GALNT17: variants seen among roughly 807,000 people sequenced by gnomAD.
The protein encoded by GALNT17 is polypeptide N-acetylgalactosaminyltransferase 17, also known as UDP-GalNAc:polypeptide N-acetylgalactosaminyltransferase-like 3.
GALNT17 carries 29 observed loss-of-function variants against 63.7 expected under a neutral mutation model. The observed-to-expected ratio is 0.46, with a 90% CI of 0.34 to 0.62. The LOEUF (loss-of-function observed/expected upper bound fraction) is 0.62. Ranked by LOEUF, GALNT17 falls within the 20% of genes least tolerant of loss-of-function variation. GALNT17 has a pLI of 0.01. For synonymous variants in GALNT17, 305 were observed against 318.3 expected (o/e 0.96, Z 0.45); for missense variants, 603 against 799.6 (o/e 0.75, Z 2.97).
chr7:71,391,057 ACT>A (rs1793040478), intron 3 of GALNT17, among the ~76,000 whole-genome samples: 1 of 152,106 alleles, frequency 6.6e-6, no homozygotes, highest in African/African-American at 2.4e-5. Flanking sequence ...TGCACAGTGG[ACT>A]CTCTGAACTG....
intron 5 of GALNT17, among the ~76,000 whole-genome samples, chr7:71,537,453 G>C (rs180783093): frequency 6.6e-6 from 1 of 152,086 alleles, no homozygotes; most frequent in Non-Finnish European, 1.5e-5. Flanking sequence ...AGATCTGAAG[G>C]TCTTGAGATA....
At chr7:71,422,819 C>A (rs1052510412) in intron 5 of GALNT17, among the ~76,000 whole-genome samples, 1 of 152,206 alleles carries the variant, frequency 6.6e-6, no homozygotes, top group Non-Finnish European at 1.5e-5. Context: ...GTCAGAAAAA[C>A]CAGATCACAT....
intron 1 of GALNT17, among the ~76,000 whole-genome samples, chr7:71,225,827 C>T (rs1323575521): frequency 6.6e-6 from 1 of 152,186 alleles, no homozygotes; most frequent in Non-Finnish European, 1.5e-5. Flanking sequence ...CATGGCCTGC[C>T]ATGCTATGCA....
chr7:71,318,225 G>T (rs1233233889), intron 1 of GALNT17, among the ~76,000 whole-genome samples: 1 of 152,130 alleles, frequency 6.6e-6, no homozygotes, highest in Admixed American at 6.6e-5. Context: ...CAATCAGGCA[G>T]TGGGACCTCA....
chr7:71,256,972 C>G (rs554978352), intron 1 of GALNT17, among the ~76,000 whole-genome samples: 1 of 152,058 alleles, frequency 6.6e-6, no homozygotes, highest in South Asian at 2.1e-4. Context: ...TCTAAAAGGA[C>G]TCTCTCTCTC....
chr7:71,139,034 A>G (rs1472205394), intron 1 of GALNT17, among the ~76,000 whole-genome samples: 3 of 152,138 alleles, frequency 2.0e-5, no homozygotes, highest in African/African-American at 7.2e-5. Context: ...TTCTTGTTAG[A>G]ATTCTTCTTT....
chr7:71,529,354 C>G (rs564369736), intron 5 of GALNT17, among the ~76,000 whole-genome samples: 31 of 152,098 alleles, frequency 2.0e-4, no homozygotes, highest in African/African-American at 7.2e-4. Flanking sequence ...ATGGTAGCTT[C>G]CACACATAGT....
intron 1 of GALNT17, among the ~76,000 whole-genome samples, chr7:71,194,199 T>C (rs974508522): frequency 1.3e-5 from 2 of 152,048 alleles, no homozygotes; most frequent in African/African-American, 4.8e-5. Flanking sequence ...GTACACACCA[T>C]CATGCACCAC....
At chr7:71,188,375 AC>A (rs1686620958) in intron 1 of GALNT17, among the ~76,000 whole-genome samples, 1 of 152,256 alleles carries the variant, frequency 6.6e-6, no homozygotes, top group Non-Finnish European at 1.5e-5. Flanking sequence ...TTTCACTGTA[AC>A]CACGCCAGCA....
chr7:71,176,714 T>C (rs903621775), intron 1 of GALNT17, among the ~76,000 whole-genome samples: 1 of 152,146 alleles, frequency 6.6e-6, no homozygotes, highest in African/African-American at 2.4e-5. Context: ...GAGGCTGTTG[T>C]GTACTCTGAA....
rs111851668 is a variant in GALNT17, at chr7:71,397,941, T to TTTGTTGTTG, written c.589+9570_589+9578dup. Among the ~76,000 whole-genome samples the TTTGTTGTTG allele has an allele frequency of 2.4e-3, 357 of 150,806 alleles. 10 individuals are homozygous for TTTGTTGTTG. In the East Asian group the frequency reaches 0.032, roughly 14 times the overall value. ...TTGATGGTTTTGCTCCATTATTGTC[T>TTTGTTGTTG]TTGTTGTTGTTGTTGTTGTTGTTGT... On this transcript the variant is annotated intron_variant, in intron 3 of 10. Transcript: ENST00000333538.
chr7:71,174,914 G>A (rs1004462184), intron 1 of GALNT17, among the ~76,000 whole-genome samples: 5 of 152,138 alleles, frequency 3.3e-5, no homozygotes, highest in Non-Finnish European at 7.3e-5. Context: ...CTGTCTTTGG[G>A]GAGCGATGGA....
chr7:71,213,957 A>G (rs1364636474), intron 1 of GALNT17, among the ~76,000 whole-genome samples: 1 of 152,204 alleles, frequency 6.6e-6, no homozygotes, highest in African/African-American at 2.4e-5. Flanking sequence ...ACTTTTAACT[A>G]CTTACGTCAG....
At chr7:71,391,534 G>A (rs1297276409) in intron 3 of GALNT17, among the ~76,000 whole-genome samples, 1 of 152,188 alleles carries the variant, frequency 6.6e-6, no homozygotes, top group Non-Finnish European at 1.5e-5. Context: ...CCGGGCTGGA[G>A]TGCGGTGGTG....
chr7:71,461,526 T>A (rs940655794), intron 5 of GALNT17, among the ~76,000 whole-genome samples: 2 of 152,216 alleles, frequency 1.3e-5, no homozygotes, highest in African/African-American at 4.8e-5. Flanking sequence ...CAAAAGAACT[T>A]AGAGGAGCAT....
chr7:71,477,709 T>C (rs1787748194), intron 5 of GALNT17, among the ~76,000 whole-genome samples: 1 of 151,642 alleles, frequency 6.6e-6, no homozygotes, highest in South Asian at 2.1e-4. Context: ...AAAAAAAAGG[T>C]TGAAAATAAC....
At chr7:71,535,114 A>G (rs555507034) in intron 5 of GALNT17, among the ~76,000 whole-genome samples, 97 of 152,264 alleles carry the variant, frequency 6.4e-4, no homozygotes, top group African/African-American at 2.3e-3. Flanking sequence ...AGATGTGAGG[A>G]AGGGCCACGT....
At chr7:71,231,545 A>C (rs749009349) in intron 1 of GALNT17, among the ~76,000 whole-genome samples, 1 of 152,128 alleles carries the variant, frequency 6.6e-6, no homozygotes. Flanking sequence ...AACGACAGAC[A>C]TCTTTTTCCC....
intron 5 of GALNT17, among the ~76,000 whole-genome samples, chr7:71,479,651 T>C (rs916478026): frequency 1.3e-5 from 2 of 152,132 alleles, no homozygotes; most frequent in African/African-American, 4.8e-5. Flanking sequence ...TCTGTAGAAA[T>C]GCCCAGAGAT....
Sources: gnomAD v4.1 joint callset for allele counts (sites outside exome capture counted in the v4.1 genomes callset) on GRCh38, gnomAD v4.1.1 for gene constraint, MANE v1.5 for transcripts, NCBI Gene and HGNC (gene_info 2026-07-23, HGNC 2026-07-21) for gene names.